TBX15: variants seen among roughly 807,000 people sequenced by gnomAD.
TBX15 encodes T-box transcription factor TBX15.
Under a neutral mutation model 53.9 loss-of-function variants are expected in TBX15, and 18 were observed. That is an observed-to-expected ratio of 0.33 (90% CI 0.23 to 0.49). TBX15 has a LOEUF of 0.49. Ranked by LOEUF, TBX15 falls within the 20% of genes least tolerant of loss-of-function variation. The pLI, the probability that TBX15 is intolerant of heterozygous loss-of-function variation, is 0.98. For synonymous variants in TBX15, 295 were observed against 278.0 expected, an observed-to-expected ratio of 1.06 and a Z score of -0.61; for missense variants, 692 against 749.5, an observed-to-expected ratio of 0.92 and a Z score of 0.90.
chr1:118,920,564 A>G (rs1022616643), intron 5 of TBX15, among the ~76,000 whole-genome samples: 1 of 152,200 alleles, frequency 6.6e-6, no homozygotes, highest in South Asian at 2.1e-4. Context: ...AGAGGACATT[A>G]TTGGAAAGAC....
intron 1 of TBX15, among the ~76,000 whole-genome samples, chr1:118,966,916 A>G (rs537366646): frequency 6.6e-6 from 1 of 152,394 alleles, no homozygotes; most frequent in South Asian, 2.1e-4. Flanking sequence ...TGATTTGACT[A>G]AATTTTCCAG....
chr1:118,934,478 A>G (rs1412176113), intron 1 of TBX15, among the ~76,000 whole-genome samples: 6 of 152,194 alleles, frequency 3.9e-5, no homozygotes, highest in Non-Finnish European at 8.8e-5. Flanking sequence ...CCATGCAGAT[A>G]ATTAGAAACA....
At chr1:118,890,640 T>G (rs564896803) in intron 7 of TBX15, among the ~76,000 whole-genome samples, 58 of 152,332 alleles carry the variant, frequency 3.8e-4, no homozygotes, top group African/African-American at 1.3e-3. Flanking sequence ...TATACTTGTT[T>G]TTACCATAAA....
At chr1:118,925,163 A>C (rs980918757) in intron 3 of TBX15, among the ~76,000 whole-genome samples, 4 of 152,168 alleles carry the variant, frequency 2.6e-5, no homozygotes, top group Admixed American at 6.5e-5. Flanking sequence ...TGCATCCTGA[A>C]CTCACATGTC....
intron 2 of TBX15, 38 bp from the exon 3 acceptor site, chr1:118,926,649 G>A (rs1332043419): frequency 1.3e-6 from 2 of 1,559,518 alleles, no homozygotes; most frequent in African/African-American, 2.7e-5. Context: ...CAGAAATCAG[G>A]GTGGGAGAAG....
At chr1:118,900,456 C>T (rs746392967) in intron 6 of TBX15, among the ~76,000 whole-genome samples, 10 of 152,278 alleles carry the variant, frequency 6.6e-5, no homozygotes, top group East Asian at 1.9e-4. Context: ...GCTGCTGATA[C>T]GCTGATTGAC....
At chr1:118,921,439 C>G (rs1373033347) in intron 5 of TBX15, among the ~76,000 whole-genome samples, 1 of 152,166 alleles carries the variant, frequency 6.6e-6, no homozygotes, top group Admixed American at 6.5e-5. Context: ...CATTTAAAAT[C>G]ATGCAGAAAA....
chr1:118,966,037 T>C (rs570769651), intron 1 of TBX15, among the ~76,000 whole-genome samples: 1 of 152,186 alleles, frequency 6.6e-6, no homozygotes, highest in African/African-American at 2.4e-5. Flanking sequence ...TTTGGGCTGT[T>C]TGGATTTTTT....
At chr1:118,973,991 G>A (rs1657337656) in intron 1 of TBX15, among the ~76,000 whole-genome samples, 1 of 152,186 alleles carries the variant, frequency 6.6e-6, no homozygotes, top group African/African-American at 2.4e-5. Flanking sequence ...CAGGATTAAT[G>A]TTGGTCATGC....
intron 1 of TBX15, among the ~76,000 whole-genome samples, chr1:118,951,467 T>G (rs1656509331): frequency 6.6e-6 from 1 of 152,174 alleles, no homozygotes; most frequent in Non-Finnish European, 1.5e-5. Context: ...TAATAGTCAT[T>G]GGCTCTGAGC....
intron 1 of TBX15, among the ~76,000 whole-genome samples, chr1:118,984,485 G>A (rs1316578526): frequency 6.6e-6 from 1 of 152,226 alleles, no homozygotes; most frequent in Non-Finnish European, 1.5e-5. Context: ...TGGCGCCGCC[G>A]AGCGCCTGAA....
At chr1:118,912,540 A>C (rs1368488600) in intron 6 of TBX15, among the ~76,000 whole-genome samples, 3 of 152,032 alleles carry the variant, frequency 2.0e-5, no homozygotes, top group African/African-American at 7.2e-5. Flanking sequence ...ACAGGTCTAG[A>C]GGCTTCTTTA....
At chr1:118,907,209 C>T (rs1654865391) in intron 6 of TBX15, among the ~76,000 whole-genome samples, 1 of 152,062 alleles carries the variant, frequency 6.6e-6, no homozygotes, top group Non-Finnish European at 1.5e-5. Context: ...TGGGACAGTC[C>T]CACCTGCAGC....
At chr1:118,951,753 G>A (rs1656521009) in intron 1 of TBX15, among the ~76,000 whole-genome samples, 1 of 152,134 alleles carries the variant, frequency 6.6e-6, no homozygotes, top group Admixed American at 6.6e-5. Flanking sequence ...ACACTCAAAA[G>A]GTCACCAACT....
intron 1 of TBX15, among the ~76,000 whole-genome samples, chr1:118,977,306 T>C (rs1657467221): frequency 6.6e-6 from 1 of 152,230 alleles, no homozygotes; most frequent in East Asian, 1.9e-4. Flanking sequence ...TGCACATATA[T>C]ATATATAGCA....
At chr1:118,945,035 C>A (rs1656304807) in intron 1 of TBX15, among the ~76,000 whole-genome samples, 1 of 152,174 alleles carries the variant, frequency 6.6e-6, no homozygotes, top group Non-Finnish European at 1.5e-5. Context: ...GTTTAAAAAT[C>A]CATACTTTTT....
chr1:118,979,042 C>G (rs1657546717), intron 1 of TBX15, among the ~76,000 whole-genome samples: 1 of 152,120 alleles, frequency 6.6e-6, no homozygotes, highest in South Asian at 2.1e-4. Context: ...AATTCGGAGC[C>G]CTGTATCCTG....
At chr1:118,927,508 T>G (rs544429532) in intron 2 of TBX15, among the ~76,000 whole-genome samples, 12 of 152,324 alleles carry the variant, frequency 7.9e-5, no homozygotes, top group East Asian at 1.9e-4. Context: ...ACCAAGATTT[T>G]TTAGTGCATA....
chr1:118,970,070 T>C (rs977985463), intron 1 of TBX15, among the ~76,000 whole-genome samples: 1 of 152,244 alleles, frequency 6.6e-6, no homozygotes, highest in African/African-American at 2.4e-5. Context: ...CCTGCTGCCA[T>C]GTGAAGACAT....
Sources: gnomAD v4.1 joint callset for allele counts (sites outside exome capture counted in the v4.1 genomes callset) on GRCh38, gnomAD v4.1.1 for gene constraint, MANE v1.5 for transcripts, NCBI Gene and HGNC (gene_info 2026-07-23, HGNC 2026-07-21) for gene names.